The following MAGI2 variants were observed in gnomAD, a reference collection of about 807,000 sequenced individuals.
MAGI2 encodes membrane associated guanylate kinase, WW and PDZ domain containing 2, also known as membrane-associated guanylate kinase, WW and PDZ domain-containing protein 2.
MAGI2 carries 35 observed loss-of-function variants against 133.3 expected under a neutral mutation model. That is an observed-to-expected ratio of 0.26 (90% CI 0.20 to 0.35). The LOEUF (loss-of-function observed/expected upper bound fraction) is 0.35, where lower values mean the gene tolerates loss of function less well. Among genes scored for constraint, MAGI2 ranks in the 10% least tolerant of loss-of-function variants. MAGI2 has a pLI of 1.00. For synonymous variants in MAGI2, 729 were observed against 710.6 expected (o/e 1.03, Z -0.41); for missense variants, 1,636 against 1,863.4 (o/e 0.88, Z 2.25).
rs780218819 is a variant in MAGI2, at chr7:78,019,653, C to G, written c.4030G>C (p.Ala1344Pro). ...GQGRPEAGRPASEARAPGLAA... is the reference protein window; with the variant it reads ...GQGRPEAGRPPSEARAPGLAA... ...AGCCCGGGCGCCCTGGCCTCCGAGG[C>G]GGGCCTGCCGGCCTCGGGCCGCCCC... The change falls in exon 22 of 22, where the codon GCC (alanine) becomes CCC (proline). Residue 1344 changes from alanine to proline, a missense_variant. By Grantham distance (27) the Ala-to-Pro change is conservative (BLOSUM62 -1). This residue lies in a region of MAGI2 where 354 missense variants were observed against 298.7 expected (regional missense o/e 1.19). Coordinates refer to ENST00000354212, the MANE Select transcript of MAGI2 (RefSeq NM_012301.4). The G allele has an allele frequency of 2.8e-5, 32 of 1,160,436 alleles. No individual in the cohort carries two copies. In the South Asian group the frequency reaches 8.5e-4, roughly 31 times the overall value. 71.9% of individuals were successfully genotyped at this position (1,160,436 alleles called of 1,614,324 possible).
At chr7:78,921,989 G>A (rs376955664) in intron 2 of MAGI2, among the ~76,000 whole-genome samples, 8 of 151,502 alleles carry the variant, frequency 5.3e-5, no homozygotes, top group Non-Finnish European at 1.0e-4. Flanking sequence ...TAACTACATG[G>A]GAAAAACAAA....
At chr7:78,150,451 G>T (rs1189570831) in intron 16 of MAGI2, among the ~76,000 whole-genome samples, 1 of 152,200 alleles carries the variant, frequency 6.6e-6, no homozygotes, top group East Asian at 1.9e-4. Context: ...GCAGTATAAA[G>T]AAAAACTGTC....
chr7:79,198,052 G>C (rs1171264817), intron 1 of MAGI2, among the ~76,000 whole-genome samples: 1 of 151,748 alleles, frequency 6.6e-6, no homozygotes, highest in East Asian at 1.9e-4. Context: ...CTTGAGAGCA[G>C]CCTGGGCAAT....
intron 2 of MAGI2, among the ~76,000 whole-genome samples, chr7:78,875,410 A>C (rs570947244): frequency 5.3e-4 from 81 of 152,186 alleles, no homozygotes; most frequent in Non-Finnish European, 4.0e-4. Flanking sequence ...TTGCATATAA[A>C]CCCCGTCCAT....
chr7:79,022,646 CAAA>C (rs61289194), intron 1 of MAGI2, among the ~76,000 whole-genome samples: 1 of 118,626 alleles, frequency 8.4e-6, no homozygotes, highest in Non-Finnish European at 1.7e-5. Flanking sequence ...AGACAAGATC[CAAA>C]AAAAAAAAAA....
intron 2 of MAGI2, among the ~76,000 whole-genome samples, chr7:78,866,339 C>T (rs1453336488): frequency 6.6e-6 from 1 of 151,836 alleles, no homozygotes; most frequent in Non-Finnish European, 1.5e-5. Context: ...AACAGAGACA[C>T]TTGTGAAAGT....
chr7:78,167,586 A>G (rs1825735145), intron 15 of MAGI2, among the ~76,000 whole-genome samples: 1 of 152,216 alleles, frequency 6.6e-6, no homozygotes, highest in Admixed American at 6.5e-5. Context: ...ACATTTTCAA[A>G]TGGCATATTT....
chr7:78,445,215 A>C (rs1047814698), intron 6 of MAGI2, among the ~76,000 whole-genome samples: 3 of 152,054 alleles, frequency 2.0e-5, no homozygotes, highest in Non-Finnish European at 2.9e-5. Context: ...TTGCAAGCAG[A>C]TATCATGCAA....
At chr7:78,127,752 T>G (rs1001142318) in intron 18 of MAGI2, among the ~76,000 whole-genome samples, 1 of 152,158 alleles carries the variant, frequency 6.6e-6, no homozygotes, top group Admixed American at 6.5e-5. Flanking sequence ...ATTGAAGCAC[T>G]GAACTATACA....
rs148628807 is a variant in MAGI2 at position 78,849,667 on chromosome 7, C to T, written c.418+157423G>A. Among the ~76,000 whole-genome samples the T allele has an allele frequency of 7.9e-5, 12 of 152,104 alleles. No individual in the cohort carries two copies. The East Asian group carries it at 2.3e-3, about 30-fold the overall frequency. On this transcript the variant is annotated intron_variant, in intron 2 of 21. Coordinates refer to ENST00000354212, the MANE Select transcript of MAGI2 (RefSeq NM_012301.4). ...TAAGGAAAAGGTGAAGAGATTTCCT[C>T]AAAACATTCTCAAACACTAGTCTTA...
intron 10 of MAGI2, among the ~76,000 whole-genome samples, chr7:78,246,194 C>T (rs1791761546): frequency 1.3e-5 from 2 of 152,164 alleles, no homozygotes; most frequent in South Asian, 2.1e-4. Flanking sequence ...ACATCCAGCT[C>T]CCCCATGTCT....
intron 1 of MAGI2, among the ~76,000 whole-genome samples, chr7:79,253,150 G>A (rs756407089): frequency 2.7e-4 from 41 of 152,152 alleles, no homozygotes; most frequent in Non-Finnish European, 5.0e-4. Flanking sequence ...ACTCCAGAAA[G>A]TGTCATTTTT....
At position 78,019,813 on chromosome 7, in the gene MAGI2, C is replaced by T. The variant is rs749208229; in HGVS notation, c.3870G>A (p.Arg1290=). The T allele has an allele frequency of 1.9e-6, 3 of 1,613,460 alleles. No individual in the cohort carries two copies. The highest frequency in any genetic ancestry group is 2.5e-6 in the Non-Finnish European group (3 of 1,179,908). Reference sequence around the variant, plus strand: ...CCTTTGGTTTCCTAACGTCGTGTTCCCGTTTGATATCCCAAGTTGGGCCTG... The same window carrying T: ...CCTTTGGTTTCCTAACGTCGTGTTCTCGTTTGATATCCCAAGTTGGGCCTG... ...ISPGPTWDIK[R]EHDVRKPKEL... The change falls in exon 22 of 22, where the codon CGG becomes CGA. Residue 1290 remains arginine (R), a synonymous_variant. Coordinates refer to ENST00000354212, the MANE Select transcript of MAGI2 (RefSeq NM_012301.4).
chr7:78,637,414 G>C (rs1809789084), intron 2 of MAGI2, among the ~76,000 whole-genome samples: 3 of 148,786 alleles, frequency 2.0e-5, no homozygotes, highest in African/African-American at 7.3e-5. Context: ...CACCAGCAGT[G>C]ATACATGATA....
intron 3 of MAGI2, among the ~76,000 whole-genome samples, chr7:78,522,727 C>T (rs1796613524): frequency 6.6e-6 from 1 of 152,112 alleles, no homozygotes. Flanking sequence ...TTAAAATATC[C>T]TAAAATTTAG....
chr7:79,194,847 T>G (rs1003469543), intron 1 of MAGI2, among the ~76,000 whole-genome samples: 3 of 151,860 alleles, frequency 2.0e-5, no homozygotes, highest in Non-Finnish European at 4.4e-5. Context: ...GTAAAGGTTA[T>G]GAAAATTAAT....
chr7:78,674,497 G>A (rs1450605546), intron 2 of MAGI2, among the ~76,000 whole-genome samples: 1 of 151,830 alleles, frequency 6.6e-6, no homozygotes, highest in Non-Finnish European at 1.5e-5. Context: ...AATGGTAAAT[G>A]TATCTATTCT....
intron 6 of MAGI2, among the ~76,000 whole-genome samples, chr7:78,411,970 G>A (rs1797909575): frequency 6.6e-6 from 1 of 151,980 alleles, no homozygotes; most frequent in African/African-American, 2.4e-5. Flanking sequence ...TTGGTCCTAA[G>A]GCTTTGGCAA....
rs1464393777 is a variant in MAGI2 at position 78,165,316 on chromosome 7, C to A, written c.2596+2600G>T. On this transcript the variant is annotated intron_variant, in intron 15 of 21. Transcript: ENST00000354212. ...CTCCAGCTTGGGTGACAGAGTGAGA[C>A]CTTTTCTCAAAAAAATTTTTTGCCT... Among the ~76,000 whole-genome samples the A allele has an allele frequency of 2.0e-5, 3 of 150,358 alleles. No homozygotes were observed. The East Asian group carries it at 6.0e-4, about 30-fold the overall frequency.
Sources: gnomAD v4.1 joint callset for allele counts (sites outside exome capture counted in the v4.1 genomes callset) on GRCh38, gnomAD v4.1.1 for gene constraint, gnomAD v4.1.1 regional missense constraint, MANE v1.5 for transcripts, NCBI Gene and HGNC (gene_info 2026-07-23, HGNC 2026-07-21) for gene names.